The following ITGB5 variants were observed in gnomAD, a reference collection of about 807,000 sequenced individuals.
The protein encoded by ITGB5 is integrin subunit beta 5.
In ITGB5, 38 loss-of-function variants were observed where a neutral mutation model predicts 84.8. The ratio of observed to expected loss-of-function variants is 0.45; its 90% confidence interval spans 0.35 to 0.59. The LOEUF (loss-of-function observed/expected upper bound fraction) is 0.59. Among genes scored for constraint, ITGB5 ranks in the 20% least tolerant of loss-of-function variants. The pLI, the probability that ITGB5 is intolerant of heterozygous loss-of-function variation, is 0.01. For synonymous variants in ITGB5, 393 were observed against 414.4 expected, an observed-to-expected ratio of 0.95 and a Z score of 0.63; for missense variants, 905 against 1,034.5, an observed-to-expected ratio of 0.87 and a Z score of 1.72.
At chr3:124,847,758 C>G in intron 4 of ITGB5, among the ~76,000 whole-genome samples, 1 of 152,154 alleles carries the variant, frequency 6.6e-6, no homozygotes, top group East Asian at 1.9e-4. Context: ...ATTATAGAAT[C>G]TGGCAGCAGT....
intron 2 of ITGB5, among the ~76,000 whole-genome samples, chr3:124,869,848 G>A (rs774696349): frequency 2.2e-4 from 33 of 152,130 alleles, no homozygotes; most frequent in Non-Finnish European, 4.1e-4. Flanking sequence ...TCTGACTTGT[G>A]GAAGTACTAG....
chr3:124,781,286 A>T (rs1233671423), intron 10 of ITGB5: 2 of 151,774 alleles, frequency 1.3e-5, no homozygotes, highest in African/African-American at 4.8e-5. Flanking sequence ...CTGGGGGGAA[A>T]TCCCTCCTAA....
intron 11 of ITGB5, 196 bp from the exon 12 acceptor site, chr3:124,769,309 G>T: frequency 1.8e-6 from 1 of 557,926 alleles, no homozygotes; most frequent in Non-Finnish European, 3.2e-6. Context: ...GGAGGAGCCT[G>T]TGTGAGTTTA....
At chr3:124,815,092 T>C (rs537507111) in intron 8 of ITGB5, among the ~76,000 whole-genome samples, 2 of 152,302 alleles carry the variant, frequency 1.3e-5, no homozygotes, top group South Asian at 4.2e-4. Flanking sequence ...ATATGAGAAA[T>C]CCTGCTCAGG....
At position 124,762,614 on chromosome 3, in the gene ITGB5, A is replaced by T. The variant is rs849019; in HGVS notation, c.*1009T>A. ...AAGGGAACTGCTATTGCTAATGATG[A>T]TTAAGAGATGACTTCGTGTGGGAAC... On this transcript the variant is annotated 3_prime_UTR_variant, in exon 15 of 15. Transcript: ENST00000296181. 0.62 allele frequency: 95,013 copies of T among 152,050 alleles called. 29,895 individuals carry two copies. Among genetic ancestry groups the T allele is most frequent in the Admixed American group, 0.73 (11,131 of 15,276 alleles). 9.4% of individuals were successfully genotyped at this position (152,050 alleles called of 1,614,324 possible). A position where few individuals can be genotyped will look rare whatever the true frequency, so the allele number is the denominator to read the frequency against.
intron 1 of ITGB5, among the ~76,000 whole-genome samples, chr3:124,874,075 A>C (rs1200290189): frequency 2.0e-5 from 3 of 151,798 alleles, no homozygotes; most frequent in Admixed American, 1.3e-4. Context: ...AAAAAAAAAA[A>C]AAACCCAAGG....
chr3:124,817,165 G>C (rs976720012), intron 8 of ITGB5, among the ~76,000 whole-genome samples: 3 of 152,234 alleles, frequency 2.0e-5, no homozygotes, highest in Admixed American at 1.3e-4. Context: ...TTCCCGCCCT[G>C]CCACTGTGAG....
At chr3:124,776,122 G>T (rs887885812) in intron 10 of ITGB5, among the ~76,000 whole-genome samples, 4 of 152,160 alleles carry the variant, frequency 2.6e-5, no homozygotes, top group Non-Finnish European at 5.9e-5. Flanking sequence ...AGATGCGGGC[G>T]TGTGAGGGGT....
chr3:124,859,512 C>T (rs2065267499), intron 2 of ITGB5, 66 bp from the exon 3 acceptor site: 5 of 1,261,150 alleles, frequency 4.0e-6, no homozygotes, highest in Admixed American at 4.2e-5. Context: ...CATCGCATGT[C>T]GTGGCTGCGT....
chr3:124,900,390 T>C (rs756208630), intron 1 of ITGB5, among the ~76,000 whole-genome samples: 3 of 152,230 alleles, frequency 2.0e-5, no homozygotes, highest in Non-Finnish European at 2.9e-5. Flanking sequence ...TAGGGAGTGC[T>C]TCATAATATA....
intron 3 of ITGB5, among the ~76,000 whole-genome samples, chr3:124,852,753 C>A (rs2065174928): frequency 6.6e-6 from 1 of 152,096 alleles, no homozygotes. Context: ...AGTGGCACAA[C>A]CACAGCTCAC....
chr3:124,868,618 C>CAA (rs67873873), intron 2 of ITGB5, among the ~76,000 whole-genome samples: 386 of 68,038 alleles, frequency 5.7e-3, no homozygotes, highest in Non-Finnish European at 6.6e-3. Flanking sequence ...TGTTCTCTAC[C>CAA]AAAAAAAAAA....
At chr3:124,785,833 C>G (rs1396046640) in intron 10 of ITGB5, among the ~76,000 whole-genome samples, 1 of 152,076 alleles carries the variant, frequency 6.6e-6, no homozygotes, top group East Asian at 1.9e-4. Context: ...TAAATATTTC[C>G]TAAAATTTTG....
chr3:124,765,223 G>A (rs377757768), intron 13 of ITGB5, among the ~76,000 whole-genome samples: 2 of 152,294 alleles, frequency 1.3e-5, no homozygotes, highest in East Asian at 1.9e-4. Flanking sequence ...CCCCCAAGAA[G>A]AATGTAAGGG....
At chr3:124,851,401 T>G (rs1226872390) in intron 3 of ITGB5, among the ~76,000 whole-genome samples, 4 of 152,078 alleles carry the variant, frequency 2.6e-5, no homozygotes, top group Non-Finnish European at 5.9e-5. Context: ...CCTGTGAGGA[T>G]AAAAAGAGAG....
chr3:124,821,927 T>TA (rs1553760715), intron 5 of ITGB5, among the ~76,000 whole-genome samples: 5 of 152,030 alleles, frequency 3.3e-5, no homozygotes, highest in Admixed American at 3.3e-4. Flanking sequence ...GATTGTTAAG[T>TA]CCCCCCATTA....
At chr3:124,873,739 T>C (rs1934168875) in intron 1 of ITGB5, among the ~76,000 whole-genome samples, 1 of 152,146 alleles carries the variant, frequency 6.6e-6, no homozygotes. Flanking sequence ...TGCACGCTTG[T>C]GTTAGCGACT....
rs544909362 is a variant in ITGB5, at chr3:124,793,555, G to C, written c.1693+2833C>G. On this transcript the variant is annotated intron_variant, in intron 10 of 14. Coordinates refer to ENST00000296181, the MANE Select transcript of ITGB5 (RefSeq NM_002213.5). ...AGGGGTGTGGCACTGACTCATAGAG[G>C]AGCCAGCATTGGGTGTGTTTTCCTT... Among the ~76,000 whole-genome samples the C allele has an allele frequency of 2.6e-5, 4 of 152,344 alleles. No individual in the cohort carries two copies. In the South Asian group the frequency reaches 8.3e-4, roughly 32 times the overall value.
intron 8 of ITGB5, among the ~76,000 whole-genome samples, chr3:124,813,334 C>A (rs2064535193): frequency 6.6e-6 from 1 of 152,214 alleles, no homozygotes; most frequent in African/African-American, 2.4e-5. Context: ...CCCCCACACA[C>A]CATGCAATTC....
Sources: allele counts gnomAD v4.1 joint callset (sites outside exome capture counted in the v4.1 genomes callset), GRCh38; gene constraint gnomAD v4.1.1; transcripts MANE v1.5; gene names NCBI Gene and HGNC (gene_info 2026-07-23, HGNC 2026-07-21).